TULP4: variants seen among roughly 807,000 people sequenced by gnomAD.
TULP4 encodes the protein TUB like protein 4.
A neutral mutation model predicts 129.0 loss-of-function variants in TULP4; 16 were observed. The observed-to-expected ratio is 0.12, with a 90% CI of 0.08 to 0.19. The LOEUF is 0.19. Ranked by LOEUF, TULP4 falls within the 10% of genes least tolerant of loss-of-function variation. The pLI is 1.00. For missense variants in TULP4, 1,842 were observed against 2,059.1 expected, an observed-to-expected ratio of 0.89 and a Z score of 2.04; for synonymous variants, 998 against 854.0, an observed-to-expected ratio of 1.17 and a Z score of -2.94.
chr6:158,353,214 G>GAAA (rs1780569448), intron 1 of TULP4, among the ~76,000 whole-genome samples: 2 of 152,196 alleles, frequency 1.3e-5, no homozygotes, highest in Non-Finnish European at 2.9e-5. Flanking sequence ...TTTCCACAGA[G>GAAA]TTTTTGATAA....
intron 2 of TULP4, among the ~76,000 whole-genome samples, chr6:158,423,872 C>A (rs900235426): frequency 6.6e-6 from 1 of 152,026 alleles, no homozygotes; most frequent in South Asian, 2.1e-4. Context: ...GATCTCCTGA[C>A]CTCGTGATCC....
intron 3 of TULP4, among the ~76,000 whole-genome samples, chr6:158,441,071 C>T (rs1436988434): frequency 6.6e-6 from 1 of 152,160 alleles, no homozygotes; most frequent in African/African-American, 2.4e-5. Flanking sequence ...AATCTCAGCA[C>T]TTTGGGAGGC....
chr6:158,412,283 C>T (rs983983728), intron 1 of TULP4, among the ~76,000 whole-genome samples: 1 of 152,164 alleles, frequency 6.6e-6, no homozygotes, highest in Admixed American at 6.5e-5. Flanking sequence ...TGAGCCCTGC[C>T]GTGTTGGTTT....
intron 1 of TULP4, among the ~76,000 whole-genome samples, chr6:158,365,764 C>A (rs563282763): frequency 4.3e-4 from 66 of 151,802 alleles, no homozygotes; most frequent in African/African-American, 1.3e-3. Context: ...AGCTACCGCG[C>A]CCGGCCTGGA....
chr6:158,433,179 G>A (rs1465172336), intron 3 of TULP4, among the ~76,000 whole-genome samples: 5 of 152,136 alleles, frequency 3.3e-5, no homozygotes, highest in Non-Finnish European at 5.9e-5. Context: ...TGAGGTCAGT[G>A]TGGCCACCTT....
Position 158,358,772 on chromosome 6 carries a change from C to T in TULP4, c.252+44504C>T, listed in dbSNP as rs556772719. The stretch of plus-strand genomic sequence containing the variant: ...CAGAAAATGCTTGTTTTGATGATAT[C>T]AGAGAACCCATTTCAAAAGCAGTAA... On this transcript the variant is annotated intron_variant, in intron 1 of 13. Coordinates refer to ENST00000367097, the MANE Select transcript of TULP4 (RefSeq NM_020245.5). Among the ~76,000 whole-genome samples, 3 of 152,330 alleles carry T rather than the reference C, an allele frequency of 2.0e-5. No individual in the cohort carries two copies. In the East Asian group the frequency reaches 5.8e-4, roughly 29 times the overall value.
chr6:158,377,313 T>C (rs923744331), intron 1 of TULP4, among the ~76,000 whole-genome samples: 3 of 152,234 alleles, frequency 2.0e-5, no homozygotes, highest in Admixed American at 1.3e-4. Context: ...GGTATGATTT[T>C]ATATGTGCCA....
At chr6:158,447,412 T>A (rs957228861) in intron 3 of TULP4, among the ~76,000 whole-genome samples, 1 of 152,212 alleles carries the variant, frequency 6.6e-6, no homozygotes, top group African/African-American at 2.4e-5. Flanking sequence ...AGGCAAATTG[T>A]TTTAGCCTTT....
chr6:158,449,351 G>A (rs1177284282), intron 4 of TULP4, among the ~76,000 whole-genome samples, 175 bp downstream of exon 4: 1 of 152,140 alleles, frequency 6.6e-6, no homozygotes, highest in African/African-American at 2.4e-5. Flanking sequence ...TCATCTAGAT[G>A]TGACTGTCTC....
At chr6:158,302,371 G>A (rs947859918) in intron 1 of TULP4, among the ~76,000 whole-genome samples, 1 of 152,196 alleles carries the variant, frequency 6.6e-6, no homozygotes, top group Admixed American at 6.5e-5. Flanking sequence ...CAATTCTTAG[G>A]TATTAAAGCA....
rs759726857 is a variant in TULP4, at chr6:158,449,163, C to T, written c.711C>T (p.Tyr237=). The change falls in exon 4 of 14, where the codon TAC becomes TAT. Residue 237 remains tyrosine (Y), a synonymous_variant. Transcript: ENST00000367097. ...AGAGCGACACGGACTCAGATGACTA[C>T]GCCCCTCCCCAAGGTACTCATTGGC... ...SSESDTDSDD[Y]APPQDGPAAY... The T allele has an allele frequency of 7.6e-5, 122 of 1,612,394 alleles. No individual in the cohort carries two copies. The highest frequency in any genetic ancestry group is 1.3e-4 in the South Asian group (12 of 90,786).
At chr6:158,259,655 C>G (rs557077110) in intron 1 of TULP4, among the ~76,000 whole-genome samples, 1 of 152,202 alleles carries the variant, frequency 6.6e-6, no homozygotes, top group Non-Finnish European at 1.5e-5. Flanking sequence ...CACCAACCAC[C>G]TGAACTGAAT....
chr6:158,331,754 C>T (rs116654288), intron 1 of TULP4, among the ~76,000 whole-genome samples: 6,751 of 14,956 alleles, frequency 0.45, 2,157 homozygotes, highest in Non-Finnish European at 0.61. Context: ...CGTGTATATA[C>T]ACGTGTATAT....
intron 5 of TULP4, among the ~76,000 whole-genome samples, chr6:158,460,789 G>T (rs376506587): frequency 1.3e-5 from 2 of 152,010 alleles, no homozygotes; most frequent in African/African-American, 4.8e-5. Flanking sequence ...CTTTGTTTTC[G>T]ATGTGCTTTT....
At chr6:158,425,894 CT>C (rs1778479430) in intron 2 of TULP4, among the ~76,000 whole-genome samples, 1 of 152,122 alleles carries the variant, frequency 6.6e-6, no homozygotes, top group East Asian at 1.9e-4. Context: ...TCGCCCTGCC[CT>C]GTTTTTTGAC....
Position 158,313,731 on chromosome 6 carries a change from G to A in TULP4, c.-286G>A, listed in dbSNP as rs1314207891. ...TGCTCTTTCTCCAAAGGATCAGCAC[G>A]TTCTTCCTCTGAGAACTTGAAAATA... On this transcript the variant is annotated 5_prime_UTR_variant, in exon 1 of 14. Transcript: ENST00000367097. 1.2e-5 allele frequency: 6 copies of A among 501,036 alleles called. No homozygotes were observed. Among genetic ancestry groups the A allele is most frequent in the Non-Finnish European group, 2.1e-5 (6 of 287,566 alleles). 31.0% of individuals were successfully genotyped at this position (501,036 alleles called of 1,614,324 possible).
At chr6:158,312,031 C>CT (rs11418809), upstream of TULP4, 131,968 of 356,628 alleles carry the variant, frequency 0.37, 10,160 homozygotes, top group Admixed American at 0.44. Flanking sequence ...AATTTTATAT[C>CT]TTTTTTTTTT....
intron 1 of TULP4, among the ~76,000 whole-genome samples, chr6:158,367,480 G>GT (rs1776946799): frequency 6.6e-6 from 1 of 152,166 alleles, no homozygotes; most frequent in African/African-American, 2.4e-5. Flanking sequence ...AAATAACTTA[G>GT]TAAAGAAGCA....
intron 6 of TULP4, 55 bp downstream of exon 6, chr6:158,461,784 T>TTA: frequency 1.3e-6 from 2 of 1,523,328 alleles, no homozygotes; most frequent in Non-Finnish European, 1.8e-6. Context: ...AGTGAATAGG[T>TTA]TATTATAATT....
Sources: gnomAD v4.1 joint callset for allele counts (sites outside exome capture counted in the v4.1 genomes callset) on GRCh38, gnomAD v4.1.1 for gene constraint, MANE v1.5 for transcripts, NCBI Gene and HGNC (gene_info 2026-07-23, HGNC 2026-07-21) for gene names.